The following OCA2 variants were observed in gnomAD, a reference collection of about 807,000 sequenced individuals.
The protein encoded by OCA2 is P protein.
A neutral mutation model predicts 100.2 loss-of-function variants in OCA2; 77 were observed. The observed-to-expected ratio is 0.77, with a 90% CI of 0.64 to 0.93. OCA2 has a LOEUF of 0.93. OCA2 is among the 40% of genes least tolerant of loss of function. The pLI is 0.00. For synonymous variants in OCA2, 432 were observed against 439.2 expected, an observed-to-expected ratio of 0.98 and a Z score of 0.21; for missense variants, 1,062 against 1,089.1, an observed-to-expected ratio of 0.98 and a Z score of 0.35.
intron 22 of OCA2, 101 bp downstream of exon 22, chr15:27,851,281 T>C: frequency 2.1e-6 from 2 of 961,458 alleles, no homozygotes; most frequent in East Asian, 2.6e-5. Context: ...ATCCAGACTC[T>C]CCTTCATTTG....
intron 23 of OCA2, among the ~76,000 whole-genome samples, chr15:27,843,586 C>T (rs938896398): frequency 2.0e-5 from 3 of 152,146 alleles, no homozygotes; most frequent in Admixed American, 6.5e-5. Context: ...TGTCCCTTAG[C>T]GGCAGGGTCA....
At chr15:27,983,903 C>G (rs893794964) in intron 13 of OCA2, among the ~76,000 whole-genome samples, 1 of 151,644 alleles carries the variant, frequency 6.6e-6, no homozygotes, top group Non-Finnish European at 1.5e-5. Flanking sequence ...GACACCAAGG[C>G]CCTAGGCTCT....
At chr15:27,969,348 A>T (rs1938346731) in intron 14 of OCA2, among the ~76,000 whole-genome samples, 2 of 152,244 alleles carry the variant, frequency 1.3e-5, no homozygotes, top group African/African-American at 4.8e-5. Context: ...AAGAGCAATG[A>T]TAAGGGAAAA....
At chr15:28,015,522 T>C (rs1033755524) in intron 8 of OCA2, among the ~76,000 whole-genome samples, 5 of 152,144 alleles carry the variant, frequency 3.3e-5, no homozygotes, top group African/African-American at 9.7e-5. Flanking sequence ...AATGAGGTTA[T>C]GGGGATGACT....
intron 2 of OCA2, among the ~76,000 whole-genome samples, chr15:28,080,993 G>A (rs1051051829): frequency 1.3e-5 from 2 of 152,092 alleles, no homozygotes; most frequent in Non-Finnish European, 2.9e-5. Flanking sequence ...ATTAACCCAG[G>A]AACAGGAAAC....
intron 18 of OCA2, among the ~76,000 whole-genome samples, chr15:27,932,463 T>C (rs946289885): frequency 3.4e-5 from 4 of 119,282 alleles, no homozygotes; most frequent in Non-Finnish European, 6.9e-5. Flanking sequence ...AAAACAAACA[T>C]GGGGCGGGGC....
intron 2 of OCA2, among the ~76,000 whole-genome samples, chr15:28,045,139 A>G (rs2043311406): frequency 6.6e-6 from 1 of 152,080 alleles, no homozygotes; most frequent in Non-Finnish European, 1.5e-5. Flanking sequence ...TTTTGCATTA[A>G]TTATTTTGTA....
In OCA2 at chr15:27,814,925, TAG is replaced by T. The variant is rs1362799131; in HGVS notation, c.2432+30032_2432+30033del. On this transcript the variant is annotated intron_variant, in intron 23 of 23. Transcript: ENST00000354638. ...ATAGATAGATAGATAGATAGATAGA[TAG>T]ATAGATAGATAGATAGATACAGAGA... Among the ~76,000 whole-genome samples, 10 of 150,078 alleles carry T rather than the reference TAG, an allele frequency of 6.7e-5. No homozygotes were observed. In the East Asian group the frequency reaches 1.2e-3, roughly 18 times the overall value.
chr15:27,896,879 C>T (rs1026248749), intron 19 of OCA2, among the ~76,000 whole-genome samples: 5 of 148,898 alleles, frequency 3.4e-5, no homozygotes, highest in Non-Finnish European at 7.4e-5. Flanking sequence ...GGGAAAATGT[C>T]TCCAGGGCAT....
chr15:27,862,695 G>C (rs529448561), intron 21 of OCA2, among the ~76,000 whole-genome samples: 7 of 151,968 alleles, frequency 4.6e-5, no homozygotes, highest in African/African-American at 1.7e-4. Flanking sequence ...GGCTGGTACC[G>C]AACTCTTGAT....
At chr15:27,729,370 TCTCC>T in the OCA2 span, among the ~76,000 whole-genome samples, 1 of 150,484 alleles carries the variant, frequency 6.6e-6, no homozygotes, top group Admixed American at 6.7e-5. Context: ...TCTTCCAGTC[TCTCC>T]CTATTTCCAA....
chr15:27,913,366 A>G (rs929180064), intron 19 of OCA2, among the ~76,000 whole-genome samples: 1 of 20,042 alleles, frequency 5.0e-5, no homozygotes, highest in African/African-American at 2.1e-4. Context: ...TTGTTTTTGA[A>G]AAAAAAAAGC....
intron 23 of OCA2, among the ~76,000 whole-genome samples, chr15:27,777,576 G>A (rs1437775442): frequency 6.6e-6 from 1 of 152,174 alleles, no homozygotes; most frequent in Non-Finnish European, 1.5e-5. Context: ...ATGCTGTTTG[G>A]CTTGTCCATG....
At chr15:27,831,290 A>AAAAAAAAAAC in intron 23 of OCA2, among the ~76,000 whole-genome samples, 1 of 150,636 alleles carries the variant, frequency 6.6e-6, no homozygotes, top group Non-Finnish European at 1.5e-5. Flanking sequence ...GTCTCAAAAA[A>AAAAAAAAAAC]AAAAAAAAAA....
chr15:27,778,458 A>C (rs560318597), intron 23 of OCA2, among the ~76,000 whole-genome samples: 1 of 152,338 alleles, frequency 6.6e-6, no homozygotes, highest in Non-Finnish European at 1.5e-5. Flanking sequence ...TTTGATATTC[A>C]ATCAGTTACC....
At chr15:27,770,978 TCC>T (rs2151039103) in intron 23 of OCA2, among the ~76,000 whole-genome samples, 1 of 97,476 alleles carries the variant, frequency 1.0e-5, no homozygotes, top group African/African-American at 4.0e-5. Flanking sequence ...TCCCTTCCTT[TCC>T]TTCTTTCTTC....
intron 19 of OCA2, among the ~76,000 whole-genome samples, chr15:27,902,330 A>G (rs2037981279): frequency 6.6e-6 from 1 of 152,164 alleles, no homozygotes; most frequent in Admixed American, 6.5e-5. Flanking sequence ...ACTAAGATGT[A>G]TCAACGATTT....
intron 23 of OCA2, among the ~76,000 whole-genome samples, chr15:27,828,673 A>C (rs2034827719): frequency 6.6e-6 from 1 of 152,178 alleles, no homozygotes; most frequent in Admixed American, 6.5e-5. Context: ...CTGTATTATG[A>C]AAAATATCCA....
intron 19 of OCA2, among the ~76,000 whole-genome samples, chr15:27,876,389 A>G (rs1247833672): frequency 6.6e-6 from 1 of 151,932 alleles, no homozygotes; most frequent in Non-Finnish European, 1.5e-5. Flanking sequence ...TGAGTGGGAG[A>G]TGGTGATCTG....
Sources: allele counts gnomAD v4.1 joint callset (sites outside exome capture counted in the v4.1 genomes callset), GRCh38; gene constraint gnomAD v4.1.1; transcripts MANE v1.5; gene names NCBI Gene and HGNC (gene_info 2026-07-23, HGNC 2026-07-21).